WIZ: variants seen among roughly 807,000 people sequenced by gnomAD.
The protein encoded by WIZ is WIZ zinc finger.
Under a neutral mutation model 140.2 loss-of-function variants are expected in WIZ, and 25 were observed. The ratio of observed to expected loss-of-function variants is 0.18; its 90% CI spans 0.13 to 0.25. WIZ has a LOEUF of 0.25. Ranked by LOEUF, WIZ falls within the 10% of genes least tolerant of loss-of-function variation. The pLI, the probability that WIZ is intolerant of heterozygous loss-of-function variation, is 1.00. For synonymous variants in WIZ, 1,125 were observed against 1,154.3 expected, an observed-to-expected ratio of 0.97 and a Z score of 0.51; for missense variants, 2,231 against 2,632.6, an observed-to-expected ratio of 0.85 and a Z score of 3.34.
At chr19:15,444,081 C>A (rs934847270) in intron 2 of WIZ, among the ~76,000 whole-genome samples, 59 of 152,208 alleles carry the variant, frequency 3.9e-4, no homozygotes, top group African/African-American at 1.3e-3. Context: ...ACTGGGGGAA[C>A]TTGTGCCCCG....
At chr19:15,430,690 G>A (rs1322315474) in intron 6 of WIZ, among the ~76,000 whole-genome samples, 1 of 152,202 alleles carries the variant, frequency 6.6e-6, no homozygotes. Flanking sequence ...ACGAAGAAAT[G>A]GTGTCATGCG....
Position 15,439,907 on chromosome 19 carries a change from C to G in WIZ, c.1087G>C (p.Asp363His). 1 of 1,528,126 alleles carries G rather than the reference C, an allele frequency of 6.5e-7. No homozygotes were observed. Among genetic ancestry groups the G allele is most frequent in the Non-Finnish European group, 8.8e-7 (1 of 1,142,430 alleles). 94.7% of individuals were successfully genotyped at this position (1,528,126 alleles called of 1,614,324 possible). ...ACGECGWAFADPTALEQHRQL... is the reference protein window; with the variant it reads ...ACGECGWAFAHPTALEQHRQL... ...CGGTGCTGCTCCAGGGCAGTGGGGT[C>G]AGCAAAGGCCCAGCCACACTCCCCG... The change falls in exon 4 of 13, where the codon GAC (aspartate) becomes CAC (histidine). Residue 363 changes from aspartate (D) to histidine (H), a missense_variant. Asp to His is a moderately conservative substitution (Grantham distance 81). This residue lies in a region of WIZ where 475 missense variants were observed against 520.2 expected (regional missense o/e 0.91). Transcript: ENST00000673675. The surrounding 1 kb of genome is among the most constrained non-coding windows in gnomAD (Gnocchi z 7.0).
rs1226151922 is a variant in WIZ, at chr19:15,448,209, C to T, written c.99G>A (p.Gly33=). 1 of 1,613,298 alleles carries T rather than the reference C, an allele frequency of 6.2e-7. No individual in the cohort carries two copies. The highest frequency in any genetic ancestry group is 1.1e-5 in the South Asian group (1 of 91,062). The change falls in exon 2 of 13, where the codon GGG becomes GGA. Residue 33 remains glycine (G), a synonymous_variant. Coordinates refer to ENST00000673675, the MANE Select transcript of WIZ (RefSeq NM_001371589.1). ...CACCTTCCCCCTCAGCAGCTTCGGCCCCACCCTCGATGTTCTCCCTTGGCG... is the reference window on the plus strand; with the variant it reads ...CACCTTCCCCCTCAGCAGCTTCGGCTCCACCCTCGATGTTCTCCCTTGGCG... The part of the protein sequence containing the change: ...GPAPRENIEG[G]AEAAEGEGGI...
At position 15,431,038 on chromosome 19, in the gene WIZ, C is replaced by G; in HGVS notation, c.2885G>C (p.Ser962Thr). The G allele has an allele frequency of 6.5e-7, 1 of 1,535,388 alleles. No homozygotes were observed. The highest frequency in any genetic ancestry group is 1.4e-5 in the African/African-American group (1 of 73,178). The change falls in exon 6 of 13, where the codon AGC (serine) becomes ACC (threonine). Residue 962 changes from serine (S) to threonine (T), a missense_variant. Coordinates refer to ENST00000673675, the MANE Select transcript of WIZ (RefSeq NM_001371589.1). Reference sequence around the variant, plus strand: ...CTTGAGGTCCTGCAGCTCCTGTTTGCTGCCATGAGGAACCTCTGCAGCCAC... The same window carrying G: ...CTTGAGGTCCTGCAGCTCCTGTTTGGTGCCATGAGGAACCTCTGCAGCCAC... The part of the protein sequence containing the change: ...SKVAAEVPHG[S>T]KQELQDLKAQ...
At position 15,439,930 on chromosome 19, in the gene WIZ, C is replaced by T. The variant is rs1190904627; in HGVS notation, c.1064G>A (p.Gly355Glu). ...GTCAGCAAAGGCCCAGCCACACTCCCCGCAGGCCAGCGGGGCCAGGTCCGC... is the reference window on the plus strand; with the variant it reads ...GTCAGCAAAGGCCCAGCCACACTCCTCGCAGGCCAGCGGGGCCAGGTCCGC... ...PPADLAPLACGECGWAFADPT... is the reference protein window; with the variant it reads ...PPADLAPLACEECGWAFADPT... The change falls in exon 4 of 13, where the codon GGG becomes GAG. Residue 355 changes from glycine (G) to glutamate (E), a missense_variant. Gly to Glu is a moderately conservative substitution (Grantham distance 98). Coordinates refer to ENST00000673675, the MANE Select transcript of WIZ (RefSeq NM_001371589.1). The surrounding 1 kb of genome is among the most constrained non-coding windows in gnomAD (Gnocchi z 7.0). 2 of 1,533,098 alleles carry T rather than the reference C, an allele frequency of 1.3e-6. No individual in the cohort carries two copies. Among genetic ancestry groups the T allele is most frequent in the African/African-American group, 1.4e-5 (1 of 72,966 alleles). The allele number at this position is 1,533,098 out of a possible 1,614,324, so 95.0% of individuals were successfully genotyped here. A position where few individuals can be genotyped will look rare whatever the true frequency, so the allele number is the denominator to read the frequency against.
Position 15,439,116 on chromosome 19 carries a change from T to C in WIZ, c.1878A>G (p.Val626=), listed in dbSNP as rs1217645995. The C allele has an allele frequency of 6.6e-7, 1 of 1,509,478 alleles. No homozygotes were observed. Among genetic ancestry groups the C allele is most frequent in the South Asian group, 1.2e-5 (1 of 80,122 alleles). The allele number at this position is 1,509,478 out of a possible 1,614,324, so 93.5% of individuals were successfully genotyped here. ...EEEEEEEEED[V]VLTSEMDFSP... is the part of the protein sequence containing the mutation. Reference sequence around the variant, plus strand: ...AAAAATCCATCTCGGAGGTCAGCACTACATCCTCCTCCTCCTCCTCCTCCT... The same window carrying C: ...AAAAATCCATCTCGGAGGTCAGCACCACATCCTCCTCCTCCTCCTCCTCCT... The change falls in exon 4 of 13, where the codon GTA becomes GTG. Residue 626 remains valine (V), a synonymous_variant. Coordinates refer to ENST00000673675, the MANE Select transcript of WIZ (RefSeq NM_001371589.1). The surrounding 1 kb of genome is among the most constrained non-coding windows in gnomAD (Gnocchi z 7.0).
intron 5 of WIZ, among the ~76,000 whole-genome samples, chr19:15,432,859 G>T (rs1969360287): frequency 6.6e-6 from 1 of 151,834 alleles, no homozygotes; most frequent in Non-Finnish European, 1.5e-5. Context: ...AGCGCCGAGT[G>T]CCACGAGCGA....
intron 7 of WIZ, among the ~76,000 whole-genome samples, 180 bp downstream of exon 7, chr19:15,429,406 C>T (rs533513720): frequency 7.2e-5 from 11 of 152,308 alleles, no homozygotes; most frequent in Admixed American, 2.0e-4. Context: ...ACATCCAAGG[C>T]GGCCCAAAAG....
chr19:15,439,393 G>C lies in WIZ; in HGVS notation c.1601C>G (p.Pro534Arg), dbSNP rs1167892540. Reference protein sequence around the residue: ...YFGKAEPSLAPMWRENPAGYD... With the variant: ...YFGKAEPSLARMWRENPAGYD... ...TCCAGCAGGGTTCTCCCGCCACATGGGGGCCAAGGACGGCTCAGCTTTGCC... is the reference window on the plus strand; with the variant it reads ...TCCAGCAGGGTTCTCCCGCCACATGCGGGCCAAGGACGGCTCAGCTTTGCC... Residue 534 changes from proline to arginine, a missense_variant, in exon 4 of 13, where the codon CCC (proline) becomes CGC (arginine). By Grantham distance (103) the Pro-to-Arg change is moderately radical. This residue lies in a region of WIZ where 475 missense variants were observed against 520.2 expected (regional missense o/e 0.91). Coordinates refer to ENST00000673675, the MANE Select transcript of WIZ (RefSeq NM_001371589.1). The surrounding 1 kb of genome is among the most constrained non-coding windows in gnomAD (Gnocchi z 7.0). The C allele has an allele frequency of 2.0e-6, 3 of 1,529,296 alleles. No individual in the cohort carries two copies. Among genetic ancestry groups the C allele is most frequent in the Non-Finnish European group, 2.6e-6 (3 of 1,142,158 alleles). The allele number at this position is 1,529,296 out of a possible 1,614,324, so 94.7% of individuals were successfully genotyped here.
Position 15,425,379 on chromosome 19 carries a change from C to T in WIZ, c.4756G>A (p.Gly1586Ser). The T allele has an allele frequency of 6.4e-7, 1 of 1,557,322 alleles. No individual in the cohort carries two copies. Among genetic ancestry groups the T allele is most frequent in the Non-Finnish European group, 8.7e-7 (1 of 1,150,526 alleles). Residue 1586 changes from glycine (G) to serine (S), a missense_variant, in exon 10 of 13, where the codon GGC becomes AGC. Transcript: ENST00000673675. ...TTGGCTGCCACTGAGCCCAGGTAGC[C>T]AGTGGCTGAGGGCTTGGCCCCAGTG... ...PITGAKPSAT[G>S]YLGSVAAKRP...
chr19:15,440,662 A>C lies in WIZ; in HGVS notation c.332T>G (p.Leu111Arg). The C allele has an allele frequency of 6.6e-7, 1 of 1,525,346 alleles. No homozygotes were observed. 94.5% of individuals were successfully genotyped at this position (1,525,346 alleles called of 1,614,324 possible). ...AGGGGTACCTGGGAAATGGCCCAGGAGATGGGGTGGTGGGGAGCCCGGCCG... is the reference window on the plus strand; with the variant it reads ...AGGGGTACCTGGGAAATGGCCCAGGCGATGGGGTGGTGGGGAGCCCGGCCG... ...DFRPGSPPPH[L>R]LGHFPGTPDG... Residue 111 changes from leucine (L) to arginine (R), a missense_variant, in exon 4 of 13, where the codon CTC becomes CGC. Transcript: ENST00000673675. The surrounding 1 kb of genome is among the most constrained non-coding windows in gnomAD (Gnocchi z 6.2).
intron 5 of WIZ, among the ~76,000 whole-genome samples, chr19:15,432,205 G>A (rs562555927): frequency 1.3e-5 from 2 of 152,122 alleles, no homozygotes; most frequent in East Asian, 3.9e-4. Flanking sequence ...CTCCAAAGGG[G>A]GCAAGGGACA....
chr19:15,431,150 T>G lies in WIZ; in HGVS notation c.2773A>C (p.Met925Leu), dbSNP rs1418953199. 2 of 1,532,732 alleles carry G rather than the reference T, an allele frequency of 1.3e-6. No homozygotes were observed. Among genetic ancestry groups the G allele is most frequent in the African/African-American group, 2.7e-5 (2 of 72,946 alleles). The allele number at this position is 1,532,732 out of a possible 1,614,324, so 94.9% of individuals were successfully genotyped here. Residue 925 changes from methionine (M) to leucine (L), a missense_variant, in exon 6 of 13, where the codon ATG becomes CTG. Met to Leu is a conservative substitution (Grantham distance 15). Transcript: ENST00000673675. ...LGSEENAMVA[M>L]DLGSPSLPKK... ...GGGAGCGAGGGAGAGCCCAAGTCCA[T>G]GGCCACCATTGCGTTTTCCTCAGAA...
In WIZ at chr19:15,439,016, C is replaced by T; in HGVS notation, c.1978G>A (p.Ala660Thr). 1 of 1,494,428 alleles carries T rather than the reference C, an allele frequency of 6.7e-7. No homozygotes were observed. Among genetic ancestry groups the T allele is most frequent in the African/African-American group, 1.4e-5 (1 of 71,656 alleles). 92.6% of individuals were successfully genotyped at this position (1,494,428 alleles called of 1,614,324 possible). The change falls in exon 4 of 13, where the codon GCA (alanine) becomes ACA (threonine). Residue 660 changes from alanine to threonine, a missense_variant. By Grantham distance (58) the Ala-to-Thr change is moderately conservative (BLOSUM62 0). Coordinates refer to ENST00000673675, the MANE Select transcript of WIZ (RefSeq NM_001371589.1). The surrounding 1 kb of genome is among the most constrained non-coding windows in gnomAD (Gnocchi z 7.0). ...IPQAALELKQ[A>T]FREALQAVEA... is the part of the protein sequence containing the mutation. The stretch of plus-strand genomic sequence containing the variant: ...ACTGCCTGCAGGGCCTCTCGGAATG[C>T]CTGCTTCAGCTCCAGGGCCGCCTGC...
In WIZ at chr19:15,439,701, G is replaced by C; in HGVS notation, c.1293C>G (p.Thr431=). 1 of 1,494,824 alleles carries C rather than the reference G, an allele frequency of 6.7e-7. No individual in the cohort carries two copies. The highest frequency in any genetic ancestry group is 8.9e-7 in the Non-Finnish European group (1 of 1,129,334). 92.6% of individuals were successfully genotyped at this position (1,494,824 alleles called of 1,614,324 possible). ...KLHMREPPGQ[T]TKEPFGGSSG... ...TGCTGCCTCCAAAAGGCTCTTTGGTGGTCTGGCCTGGGGGCTCACGCATGT... is the reference window on the plus strand; with the variant it reads ...TGCTGCCTCCAAAAGGCTCTTTGGTCGTCTGGCCTGGGGGCTCACGCATGT... Residue 431 remains threonine (T), a synonymous_variant, in exon 4 of 13, where the codon ACC becomes ACG. Coordinates refer to ENST00000673675, the MANE Select transcript of WIZ (RefSeq NM_001371589.1). The surrounding 1 kb of genome is among the most constrained non-coding windows in gnomAD (Gnocchi z 7.0).
Position 15,424,902 on chromosome 19 carries a change from T to C in WIZ, c.5025A>G (p.Thr1675=). 1 of 1,610,296 alleles carries C rather than the reference T, an allele frequency of 6.2e-7. No individual in the cohort carries two copies. The highest frequency in any genetic ancestry group is 8.5e-7 in the Non-Finnish European group (1 of 1,179,306). Residue 1675 remains threonine (T), a synonymous_variant, in exon 11 of 13, where the codon ACA becomes ACG. Transcript: ENST00000673675. The surrounding 1 kb of genome is among the most constrained non-coding windows in gnomAD (Gnocchi z 9.7). Reference sequence around the variant, plus strand: ...GCCGGTGTTTGATCCACTCGCTCAGTGTCTCGATGGGCGAGCCATTGACGC... The same window carrying C: ...GCCGGTGTTTGATCCACTCGCTCAGCGTCTCGATGGGCGAGCCATTGACGC... The part of the protein sequence containing the change: ...EWCVNGSPIE[T]LSEWIKHRPQ...
At chr19:15,423,363 A>G in intron 12 of WIZ, 128 bp from the exon 13 acceptor site, 1 of 1,181,048 alleles carries the variant, frequency 8.5e-7, no homozygotes, top group Non-Finnish European at 1.2e-6. Flanking sequence ...GAGGCGGGGG[A>G]AGAGGGACCC....
chr19:15,440,240 A>T lies in WIZ; in HGVS notation c.754T>A (p.Trp252Arg). Residue 252 changes from tryptophan (W) to arginine (R), a missense_variant, in exon 4 of 13, where the codon TGG (tryptophan) becomes AGG (arginine). Trp to Arg is a moderately radical substitution (Grantham distance 101, BLOSUM62 -3). Coordinates refer to ENST00000673675, the MANE Select transcript of WIZ (RefSeq NM_001371589.1). This position sits in a 1 kb window ranked among gnomAD's most constrained non-coding sequence, Gnocchi z 6.2. The part of the protein sequence containing the change: ...DLEGLAQPSE[W>R]GLPTSASEVA... ...TCCGAGGCTGACGTGGGTAGGCCCCACTCGGACGGCTGGGCCAGCCCCTCC... is the reference window on the plus strand; with the variant it reads ...TCCGAGGCTGACGTGGGTAGGCCCCTCTCGGACGGCTGGGCCAGCCCCTCC... 1 of 1,496,972 alleles carries T rather than the reference A, an allele frequency of 6.7e-7. No homozygotes were observed. Among genetic ancestry groups the T allele is most frequent in the Non-Finnish European group, 8.9e-7 (1 of 1,127,468 alleles). 92.7% of individuals were successfully genotyped at this position (1,496,972 alleles called of 1,614,324 possible). A position where few individuals can be genotyped will look rare whatever the true frequency, so the allele number is the denominator to read the frequency against.
chr19:15,439,053 G>A lies in WIZ; in HGVS notation c.1941C>T (p.Pro647=). 1 of 1,499,140 alleles carries A rather than the reference G, an allele frequency of 6.7e-7. No homozygotes were observed. The highest frequency in any genetic ancestry group is 1.3e-5 in the South Asian group (1 of 79,000). 92.9% of individuals were successfully genotyped at this position (1,499,140 alleles called of 1,614,324 possible). The part of the protein sequence containing the change: ...ENGVFSPLAT[P]SLIPQAALEL... Reference sequence around the variant, plus strand: ...CCAGGGCCGCCTGCGGGATGAGGCTGGGGGTGGCTAGGGGTGAAAAGACCC... The same window carrying A: ...CCAGGGCCGCCTGCGGGATGAGGCTAGGGGTGGCTAGGGGTGAAAAGACCC... Residue 647 remains proline, a synonymous_variant, in exon 4 of 13, where the codon CCC becomes CCT. Transcript: ENST00000673675. This position sits in a 1 kb window ranked among gnomAD's most constrained non-coding sequence, Gnocchi z 7.0.
Sources: gnomAD v4.1 joint callset for allele counts (sites outside exome capture counted in the v4.1 genomes callset) on GRCh38, gnomAD v4.1.1 for gene constraint, gnomAD v4.1.1 regional missense constraint, Gnocchi (gnomAD v3.1) non-coding constraint, MANE v1.5 for transcripts, NCBI Gene and HGNC (gene_info 2026-07-23, HGNC 2026-07-21) for gene names.